ELAVL2: variants seen among roughly 807,000 people sequenced by gnomAD.
ELAVL2 encodes the protein ELAV-like protein 2.
Under a neutral mutation model 34.6 loss-of-function variants are expected in ELAVL2, and 4 were observed. That is an observed-to-expected ratio of 0.12 (90% CI 0.06 to 0.26). The LOEUF is 0.26. ELAVL2 is among the 10% of genes least tolerant of loss of function. The probability of loss-of-function intolerance (pLI) is 1.00; values close to 1 mark genes in which losing one functional copy is unlikely to be tolerated. For synonymous variants in ELAVL2, 193 were observed against 154.8 expected, an observed-to-expected ratio of 1.25 and a Z score of -1.83; for missense variants, 432 against 442.8, an observed-to-expected ratio of 0.98 and a Z score of 0.22.
At chr9:23,777,678 A>G (rs775478593) in intron 1 of ELAVL2, among the ~76,000 whole-genome samples, 63 of 152,290 alleles carry the variant, frequency 4.1e-4, no homozygotes, top group Non-Finnish European at 7.6e-4. Context: ...TTAAAACTGA[A>G]GAAAACTTCC....
intron 5 of ELAVL2, among the ~76,000 whole-genome samples, chr9:23,695,526 T>C (rs1260271324): frequency 6.6e-6 from 1 of 152,170 alleles, no homozygotes; most frequent in African/African-American, 2.4e-5. Flanking sequence ...ACAATGGGGA[T>C]ATGTTCTGAA....
intron 1 of ELAVL2, among the ~76,000 whole-genome samples, chr9:23,775,451 A>G (rs959091): frequency 0.12 from 18,745 of 152,180 alleles, 1,556 homozygotes; most frequent in East Asian, 0.28. Context: ...AAGAGTTCAC[A>G]CAAGTATTAA....
chr9:23,746,698 C>T (rs1362736561), intron 2 of ELAVL2, among the ~76,000 whole-genome samples: 1 of 151,722 alleles, frequency 6.6e-6, no homozygotes, highest in Non-Finnish European at 1.5e-5. Context: ...TTTTTCCCAT[C>T]AGCAATATAC....
chr9:23,813,053 C>T (rs1356571254), intron 1 of ELAVL2, among the ~76,000 whole-genome samples: 3 of 152,178 alleles, frequency 2.0e-5, no homozygotes, highest in Non-Finnish European at 4.4e-5. Context: ...AGGCTCCACA[C>T]TGACATTTTC....
intron 1 of ELAVL2, among the ~76,000 whole-genome samples, chr9:23,806,036 T>G (rs2062176071): frequency 1.3e-5 from 2 of 152,134 alleles, no homozygotes; most frequent in South Asian, 4.1e-4. Context: ...TCTTAATTAT[T>G]CACAGGTATG....
At chr9:23,827,101 G>A (rs1175385458), upstream of ELAVL2, among the ~76,000 whole-genome samples, 1 of 152,170 alleles carries the variant, frequency 6.6e-6, no homozygotes, top group Non-Finnish European at 1.5e-5. Context: ...ACTTCGAGGT[G>A]TCTAATGATT....
chr9:23,783,957 G>C lies in ELAVL2; in HGVS notation c.-15-21708C>G, dbSNP rs528866376. Among the ~76,000 whole-genome samples, 29 of 152,258 alleles carry C rather than the reference G, an allele frequency of 1.9e-4. No individual in the cohort carries two copies. In the East Asian group the frequency reaches 5.2e-3, roughly 27 times the overall value. On this transcript the variant is annotated intron_variant, in intron 1 of 6. Transcript: ENST00000397312. ...CACCTGTAATCCCAGCACTTTGGGA[G>C]GCTGAGGCGCGTGGATCACGAGGTC...
At chr9:23,712,402 G>T (rs1232960980) in intron 3 of ELAVL2, among the ~76,000 whole-genome samples, 1 of 152,028 alleles carries the variant, frequency 6.6e-6, no homozygotes, top group Non-Finnish European at 1.5e-5. Flanking sequence ...CCTTAGCTTT[G>T]CTACATAGAA....
At chr9:23,840,684 T>C in the ELAVL2 span, among the ~76,000 whole-genome samples, 1 of 152,168 alleles carries the variant, frequency 6.6e-6, no homozygotes, top group South Asian at 2.1e-4. Flanking sequence ...GTTAGTAAAA[T>C]GAAACAACAT....
At chr9:23,762,360 TACA>T (rs2055231952) in intron 1 of ELAVL2, 111 bp from the exon 2 acceptor site, 1 of 1,392,710 alleles carries the variant, frequency 7.2e-7, no homozygotes, top group East Asian at 2.3e-5. Context: ...CTAATGAAAT[TACA>T]ACAATGCTTC....
intron 1 of ELAVL2, chr9:23,821,616 C>T (rs1036947813): frequency 6.6e-6 from 1 of 152,296 alleles, no homozygotes; most frequent in African/African-American, 2.4e-5. Context: ...TGCTGTGACT[C>T]GAAGCTGCAG....
At chr9:23,829,150 T>G (rs1021623702), upstream of ELAVL2, among the ~76,000 whole-genome samples, 1 of 152,190 alleles carries the variant, frequency 6.6e-6, no homozygotes, top group Non-Finnish European at 1.5e-5. Flanking sequence ...TGGCATTATT[T>G]TGAATTGCAG....
intron 1 of ELAVL2, among the ~76,000 whole-genome samples, chr9:23,818,746 G>A (rs574976050): frequency 3.1e-4 from 47 of 152,282 alleles, no homozygotes; most frequent in Middle Eastern, 3.4e-3. Context: ...GATTTAATAA[G>A]ACATCAAATG....
At chr9:23,786,499 C>G (rs1250177633) in intron 1 of ELAVL2, among the ~76,000 whole-genome samples, 1 of 151,298 alleles carries the variant, frequency 6.6e-6, no homozygotes, top group Non-Finnish European at 1.5e-5. Flanking sequence ...GCGAGAGTCT[C>G]TTTCACACTT....
chr9:23,834,633 C>T, the ELAVL2 span, among the ~76,000 whole-genome samples: 1 of 152,008 alleles, frequency 6.6e-6, no homozygotes, highest in East Asian at 1.9e-4. Flanking sequence ...AATTAGAATT[C>T]CTGCCTTTGC....
chr9:23,754,928 G>A (rs2053170929), intron 2 of ELAVL2, among the ~76,000 whole-genome samples: 1 of 152,152 alleles, frequency 6.6e-6, no homozygotes, highest in South Asian at 2.1e-4. Context: ...ACTTGAGACA[G>A]TCAACATCAG....
intron 3 of ELAVL2, among the ~76,000 whole-genome samples, chr9:23,717,657 GAGGC>G (rs1391341477): frequency 6.6e-6 from 1 of 152,062 alleles, no homozygotes; most frequent in African/African-American, 2.4e-5. Flanking sequence ...AATCAACACA[GAGGC>G]CTCTAGACAG....
At chr9:23,796,660 G>A (rs2060967145) in intron 1 of ELAVL2, among the ~76,000 whole-genome samples, 1 of 152,230 alleles carries the variant, frequency 6.6e-6, no homozygotes, top group East Asian at 1.9e-4. Context: ...TCCTTACGGA[G>A]AGCCTTGACA....
At chr9:23,725,873 T>C (rs1054259111) in intron 3 of ELAVL2, among the ~76,000 whole-genome samples, 1 of 152,134 alleles carries the variant, frequency 6.6e-6, no homozygotes, top group African/African-American at 2.4e-5. Context: ...AAAGCTTTTT[T>C]TCCTCTCCTA....
Sources: gnomAD v4.1 joint callset for allele counts (sites outside exome capture counted in the v4.1 genomes callset) on GRCh38, gnomAD v4.1.1 for gene constraint, MANE v1.5 for transcripts, NCBI Gene and HGNC (gene_info 2026-07-23, HGNC 2026-07-21) for gene names.